Variants in RYR2 observed in about 807,000 individuals in gnomAD.
The protein encoded by RYR2 is ryanodine receptor 2.
RYR2 carries 227 observed loss-of-function variants against 601.1 expected under a neutral mutation model. The ratio of observed to expected loss-of-function variants is 0.38; its 90% CI spans 0.34 to 0.42. RYR2 has a LOEUF of 0.42. RYR2 is among the 10% of genes least tolerant of loss of function. The probability of loss-of-function intolerance (pLI) is 1.00; values close to 1 mark genes in which losing one functional copy is unlikely to be tolerated. For missense variants in RYR2, 4,646 were observed against 6,156.5 expected (o/e 0.75, Z 8.21); for synonymous variants, 2,223 against 2,175.1 (o/e 1.02, Z -0.61).
chr1:237,397,973 G>A (rs1024710574), intron 10 of RYR2, among the ~76,000 whole-genome samples: 10 of 151,998 alleles, frequency 6.6e-5, no homozygotes, highest in Middle Eastern at 6.3e-3. Context: ...CACCCGCCTC[G>A]GCCTCCCAAA....
At chr1:237,494,997 G>A (rs1233836235) in intron 19 of RYR2, among the ~76,000 whole-genome samples, 1 of 152,132 alleles carries the variant, frequency 6.6e-6, no homozygotes, top group East Asian at 1.9e-4. Context: ...CACCATGTTG[G>A]CCAGCCTGGT....
At chr1:237,635,807 C>G (rs1680816281) in intron 44 of RYR2, among the ~76,000 whole-genome samples, 1 of 152,242 alleles carries the variant, frequency 6.6e-6, no homozygotes, top group Non-Finnish European at 1.5e-5. Flanking sequence ...CCCGCACTCT[C>G]TCTTCTTTGC....
In RYR2 at chr1:237,596,137, C is replaced by T. The variant is rs1378621105; in HGVS notation, c.4596+480C>T. The stretch of plus-strand genomic sequence containing the variant: ...AGATATCAAAGGAACACAAGAAACA[C>T]GCGAATGGAAGGAAACATGACTCCT... On this transcript the variant is annotated intron_variant, in intron 34 of 104. Transcript: ENST00000366574. Among the ~76,000 whole-genome samples, 5 of 152,066 alleles carry T rather than the reference C, an allele frequency of 3.3e-5. 1 individual carries two copies. Among genetic ancestry groups the T allele is most frequent in the South Asian group, 4.2e-4 (2 of 4,818 alleles).
At chr1:237,796,415 G>C (rs1469106821) in intron 96 of RYR2, among the ~76,000 whole-genome samples, 1 of 152,162 alleles carries the variant, frequency 6.6e-6, no homozygotes, top group Non-Finnish European at 1.5e-5. Context: ...ACAGTCCCGA[G>C]AGAATCCCCC....
chr1:237,360,208 T>C (rs1401384412), intron 4 of RYR2, among the ~76,000 whole-genome samples: 2 of 152,244 alleles, frequency 1.3e-5, no homozygotes, highest in African/African-American at 4.8e-5. Context: ...TTCTGTATTC[T>C]GACATGGGCA....
chr1:237,226,986 C>G (rs1684435106), intron 1 of RYR2, among the ~76,000 whole-genome samples: 1 of 152,086 alleles, frequency 6.6e-6, no homozygotes, highest in Non-Finnish European at 1.5e-5. Flanking sequence ...CCAGGCTGGT[C>G]TCAAACTCTT....
At chr1:237,445,596 T>A in intron 14 of RYR2, 74 bp downstream of exon 14, 1 of 1,564,380 alleles carries the variant, frequency 6.4e-7, no homozygotes, top group Non-Finnish European at 8.8e-7. Flanking sequence ...AAATAGACAA[T>A]TTAAAAGTAT....
chr1:237,738,771 C>T (rs3905206), intron 79 of RYR2, among the ~76,000 whole-genome samples: 61,621 of 151,780 alleles, frequency 0.41, 13,869 homozygotes, highest in East Asian at 0.63. Flanking sequence ...ACTTTTGTAT[C>T]ACCTCTGTGT....
At chr1:237,167,144 A>T (rs939974242) in intron 1 of RYR2, among the ~76,000 whole-genome samples, 7 of 152,178 alleles carry the variant, frequency 4.6e-5, no homozygotes, top group African/African-American at 1.7e-4. Context: ...GACTGCAGAG[A>T]TCTGCAGTGA....
chr1:237,123,494 C>T (rs542648819), intron 1 of RYR2, among the ~76,000 whole-genome samples: 3 of 151,762 alleles, frequency 2.0e-5, no homozygotes, highest in East Asian at 1.9e-4. Context: ...GGCTGGGGTG[C>T]GAGGATCACT....
At chr1:237,351,318 G>C (rs1489308553) in intron 3 of RYR2, among the ~76,000 whole-genome samples, 1 of 151,882 alleles carries the variant, frequency 6.6e-6, no homozygotes. Context: ...ATTAAACCTG[G>C]AAAATGTAGA....
At chr1:237,389,331 G>T (rs980048168) in intron 10 of RYR2, among the ~76,000 whole-genome samples, 3 of 152,160 alleles carry the variant, frequency 2.0e-5, no homozygotes, top group African/African-American at 7.2e-5. Context: ...GGAAAAGGTG[G>T]AAAGTAGACA....
intron 91 of RYR2, among the ~76,000 whole-genome samples, chr1:237,787,591 CAAAAACAAAAAAAAAAA>C (rs1657770760): frequency 3.1e-5 from 1 of 32,102 alleles, no homozygotes. Context: ...GACTCTGTCT[CAAAAACAAAAAAAAAAA>C]AAAAAAAAAA....
At position 237,042,429 on chromosome 1, in the gene RYR2, C is replaced by T. The variant is rs1426804600; in HGVS notation, c.-93C>T. On this transcript the variant is annotated 5_prime_UTR_variant, in exon 1 of 105. Coordinates refer to ENST00000366574, the MANE Select transcript of RYR2 (RefSeq NM_001035.3). ...GCGGCCCCCTCCAGCCCCCGGCTCCCGGCAGCAGAAGCAGAAGGCAGCGCC... is the reference window on the plus strand; with the variant it reads ...GCGGCCCCCTCCAGCCCCCGGCTCCTGGCAGCAGAAGCAGAAGGCAGCGCC... 11 of 1,166,706 alleles carry T rather than the reference C, an allele frequency of 9.4e-6. No individual in the cohort carries two copies. The highest frequency in any genetic ancestry group is 1.2e-5 in the Non-Finnish European group (11 of 927,180). 72.3% of individuals were successfully genotyped at this position (1,166,706 alleles called of 1,614,324 possible).
At chr1:237,553,656 G>A (rs2805459) in intron 27 of RYR2, among the ~76,000 whole-genome samples, 136,199 of 151,960 alleles carry the variant, frequency 0.9, 61,973 homozygotes, top group East Asian at 0.97. Flanking sequence ...ATATTTAGTC[G>A]ACCAATTCAT....
At chr1:237,570,668 C>T (rs1468458805) in intron 29 of RYR2, among the ~76,000 whole-genome samples, 1 of 152,206 alleles carries the variant, frequency 6.6e-6, no homozygotes, top group East Asian at 1.9e-4. Context: ...AATTGAGTTT[C>T]TTAGTCACAT....
chr1:237,113,321 C>T (rs1426124456), intron 1 of RYR2, among the ~76,000 whole-genome samples: 2 of 151,988 alleles, frequency 1.3e-5, no homozygotes, highest in Non-Finnish European at 2.9e-5. Flanking sequence ...GCCTCAGCCC[C>T]CTGAGTAGCT....
intron 40 of RYR2, among the ~76,000 whole-genome samples, chr1:237,627,205 G>A (rs1042438920): frequency 7.2e-5 from 11 of 152,128 alleles, no homozygotes; most frequent in Admixed American, 3.9e-4. Context: ...TATGTTTCAT[G>A]TTACATTGCA....
chr1:237,572,363 C>T (rs368453295), intron 29 of RYR2, among the ~76,000 whole-genome samples: 1 of 152,062 alleles, frequency 6.6e-6, no homozygotes, highest in Non-Finnish European at 1.5e-5. Flanking sequence ...TTGTATGGTA[C>T]GTGGTTCACA....
Sources: gnomAD v4.1 joint callset for allele counts (sites outside exome capture counted in the v4.1 genomes callset) on GRCh38, gnomAD v4.1.1 for gene constraint, MANE v1.5 for transcripts, NCBI Gene and HGNC (gene_info 2026-07-23, HGNC 2026-07-21) for gene names.